Variants in CST2 observed in about 807,000 individuals in gnomAD.
CST2 encodes cystatin-SA.
CST2 carries 26 observed loss-of-function variants against 13.4 expected under a neutral mutation model. The observed-to-expected ratio is 1.95, with a 90% CI of 1.43 to 2.70. The LOEUF (loss-of-function observed/expected upper bound fraction) is 2.70, where lower values mean the gene tolerates loss of function less well. Among genes scored for constraint, CST2 ranks in the 30% most tolerant of loss-of-function variants. The pLI is 0.00. For missense variants in CST2, 243 were observed against 173.4 expected, an observed-to-expected ratio of 1.40 and a Z score of -2.25; for synonymous variants, 105 against 71.1, an observed-to-expected ratio of 1.48 and a Z score of -2.40.
Position 23,826,421 on chromosome 20 carries a change from G to A in CST2, c.228+12C>T, listed in dbSNP as rs368068289. 6.2e-7 allele frequency: 1 copy of A among 1,610,936 alleles called. No homozygotes were observed. Among genetic ancestry groups the A allele is most frequent in the Non-Finnish European group, 8.5e-7 (1 of 1,177,376 alleles). Reference sequence around the variant, plus strand: ...TGGGACTCAGGACCCCTCAGGTGGAGGCAGCACCCACCTGCTCCCTGGCTC... The same window carrying A: ...TGGGACTCAGGACCCCTCAGGTGGAAGCAGCACCCACCTGCTCCCTGGCTC... On this transcript the variant is annotated intron_variant, in intron 1 of 2. Coordinates refer to ENST00000304725, the MANE Select transcript of CST2 (RefSeq NM_001322.3).
At position 23,826,532 on chromosome 20, in the gene CST2, C is replaced by A. The variant is rs1485293449; in HGVS notation, c.129G>T (p.Arg43=). The part of the protein sequence containing the change: ...GIYDADLNDE[R]VQRALHFVIS... Reference sequence around the variant, plus strand: ...TGACAAAGTGAAGGGCACGCTGTACCCGCTCATCATTGAGGTCTGCATCAT... The same window carrying A: ...TGACAAAGTGAAGGGCACGCTGTACACGCTCATCATTGAGGTCTGCATCAT... Residue 43 remains arginine (R), a synonymous_variant, in exon 1 of 3, where the codon CGG becomes CGT. Coordinates refer to ENST00000304725, the MANE Select transcript of CST2 (RefSeq NM_001322.3). 1.2e-6 allele frequency: 2 copies of A among 1,614,016 alleles called. No homozygotes were observed. Among genetic ancestry groups the A allele is most frequent in the Admixed American group, 3.3e-5 (2 of 60,010 alleles).
rs1465113560 is a variant in CST2 at position 23,823,798 on chromosome 20, G to A, written c.*222C>T. ...ATGCTACTGTTTAATTGCAGGAGGT[G>A]GGGGTGTGTGTACCATGTACCAGGG... is the stretch of plus-strand genomic sequence containing the variant. On this transcript the variant is annotated 3_prime_UTR_variant, in exon 3 of 3. Transcript: ENST00000304725. The A allele has an allele frequency of 1.8e-6, 1 of 564,138 alleles. No individual in the cohort carries two copies. Among genetic ancestry groups the A allele is most frequent in the East Asian group, 2.9e-5 (1 of 34,916 alleles). 34.9% of individuals were successfully genotyped at this position (564,138 alleles called of 1,614,324 possible).
rs745685763 is a variant in CST2 at position 23,826,487 on chromosome 20, G to A, written c.174C>T (p.Ala58=). The change falls in exon 1 of 3, where the codon GCC becomes GCT. Residue 58 remains alanine (A), a synonymous_variant. Coordinates refer to ENST00000304725, the MANE Select transcript of CST2 (RefSeq NM_001322.3). ...GGCGTCTGTAGTACTCATCTTCAGT[G>A]GCCTTGTTATACTCGCTGATGACAA... ...LHFVISEYNK[A]TEDEYYRRLL... 1 of 1,614,168 alleles carries A rather than the reference G, an allele frequency of 6.2e-7. No homozygotes were observed. Among genetic ancestry groups the A allele is most frequent in the South Asian group, 1.1e-5 (1 of 91,080 alleles).
intron 2 of CST2, among the ~76,000 whole-genome samples, chr20:23,824,888 G>A (rs1436598850): frequency 1.3e-5 from 2 of 151,716 alleles, no homozygotes; most frequent in Admixed American, 1.3e-4. Flanking sequence ...ACACACATAG[G>A]CAACTACGTA....
rs142992719 is a variant in CST2, at chr20:23,824,080, G to T, written c.366C>A (p.Ile122=). Residue 122 remains isoleucine, a synonymous_variant, in exon 3 of 3, where the codon ATC becomes ATA. Coordinates refer to ENST00000304725, the MANE Select transcript of CST2 (RefSeq NM_001322.3). ...TTCTGTCCTCCCAGGGAACTTCGTA[G>T]ATCTGGAAAGAGCACAACTGTTTCT... is the stretch of plus-strand genomic sequence containing the variant. ...LQKKQLCSFQ[I]YEVPWEDRMS... is the part of the protein sequence containing the mutation. The T allele has an allele frequency of 3.1e-6, 5 of 1,614,082 alleles. No homozygotes were observed. The highest frequency in any genetic ancestry group is 4.2e-6 in the Non-Finnish European group (5 of 1,179,962).
At chr20:23,824,292 C>T (rs1258335464) in intron 2 of CST2, among the ~76,000 whole-genome samples, 189 bp from the exon 3 acceptor site, 1 of 152,132 alleles carries the variant, frequency 6.6e-6, no homozygotes, top group Non-Finnish European at 1.5e-5. Context: ...TCCCAAGGCT[C>T]CAAGTCACCA....
At chr20:23,826,410 C>T (rs376245791) in intron 1 of CST2, 23 bp downstream of exon 1, 13 of 1,606,052 alleles carry the variant, frequency 8.1e-6, no homozygotes, top group Non-Finnish European at 1.1e-5. Context: ...ACTCAGGACC[C>T]CTCAGGTGGA....
intron 1 of CST2, among the ~76,000 whole-genome samples, chr20:23,825,735 C>A (rs1261693064): frequency 1.3e-5 from 2 of 152,196 alleles, no homozygotes; most frequent in Non-Finnish European, 2.9e-5. Context: ...CCAGGGAGTG[C>A]ACCTCCCGTG....
chr20:23,824,568 C>A (rs149221259), intron 2 of CST2, among the ~76,000 whole-genome samples: 2 of 152,274 alleles, frequency 1.3e-5, no homozygotes, highest in South Asian at 4.1e-4. Context: ...GAGTGGAGAC[C>A]TCACAAGAAC....
rs144612164 is a variant in CST2, at chr20:23,826,414, A to G, written c.228+19T>C. 4.3e-6 allele frequency: 7 copies of G among 1,609,620 alleles called. No homozygotes were observed. The African/African-American group carries it at 9.4e-5, about 22-fold the overall frequency. ...ACAAGGCTGGGACTCAGGACCCCTC[A>G]GGTGGAGGCAGCACCCACCTGCTCC... On this transcript the variant is annotated intron_variant, in intron 1 of 2. Coordinates refer to ENST00000304725, the MANE Select transcript of CST2 (RefSeq NM_001322.3).
At position 23,825,323 on chromosome 20, in the gene CST2, T is replaced by C. The variant is rs1984799116; in HGVS notation, c.229A>G (p.Ile77Val). 4.3e-6 allele frequency: 7 copies of C among 1,614,130 alleles called. No individual in the cohort carries two copies. Among genetic ancestry groups the C allele is most frequent in the East Asian group, 2.2e-5 (1 of 44,878 alleles). The change falls in exon 2 of 3, where the codon ATC becomes GTC. Residue 77 changes from isoleucine (I) to valine (V), a missense_variant and splice_region_variant. Transcript: ENST00000304725. ...LLRVLRAREQ[I>V]VGGVNYFFDI... ...AAGAAGTAATTCACCCCGCCCACGA[T>C]CTACACACATGAGAAAACAGGATGC...
chr20:23,825,679 A>G (rs1984810727), intron 1 of CST2, among the ~76,000 whole-genome samples: 1 of 152,132 alleles, frequency 6.6e-6, no homozygotes, highest in Non-Finnish European at 1.5e-5. Context: ...ACTCCAAGTT[A>G]TTGTCATGCT....
chr20:23,824,337 C>T (rs1342269903), intron 2 of CST2, among the ~76,000 whole-genome samples: 1 of 152,106 alleles, frequency 6.6e-6, no homozygotes, highest in Non-Finnish European at 1.5e-5. Flanking sequence ...CCTGCAGTGT[C>T]CTGTCCCAGC....
chr20:23,824,545 G>C (rs1984765565), intron 2 of CST2, among the ~76,000 whole-genome samples: 1 of 152,170 alleles, frequency 6.6e-6, no homozygotes, highest in African/African-American at 2.4e-5. Flanking sequence ...CAAGGGGAGT[G>C]TGGCTCTCCC....
chr20:23,824,896 G>T (rs1359123175), intron 2 of CST2, among the ~76,000 whole-genome samples: 2 of 151,862 alleles, frequency 1.3e-5, no homozygotes, highest in South Asian at 2.1e-4. Context: ...AGGCAACTAC[G>T]TAAACTCACT....
chr20:23,826,060 C>A (rs765779259), intron 1 of CST2, among the ~76,000 whole-genome samples: 6 of 152,150 alleles, frequency 3.9e-5, no homozygotes, highest in Admixed American at 3.9e-4. Flanking sequence ...GGTGGTCAGC[C>A]GGCCTGAGGG....
rs150531257 is a variant in CST2, at chr20:23,826,494, T to A, written c.167A>T (p.Asn56Ile). Reference protein sequence around the residue: ...RALHFVISEYNKATEDEYYRR... With the variant: ...RALHFVISEYIKATEDEYYRR... ...GTAGTACTCATCTTCAGTGGCCTTG[T>A]TATACTCGCTGATGACAAAGTGAAG... is the stretch of plus-strand genomic sequence containing the variant. The change falls in exon 1 of 3, where the codon AAC becomes ATC. Residue 56 changes from asparagine to isoleucine, a missense_variant. Transcript: ENST00000304725. 2 of 1,614,176 alleles carry A rather than the reference T, an allele frequency of 1.2e-6. No individual in the cohort carries two copies. Among genetic ancestry groups the A allele is most frequent in the Admixed American group, 1.7e-5 (1 of 60,032 alleles).
intron 2 of CST2, among the ~76,000 whole-genome samples, chr20:23,824,767 A>G (rs1414125319): frequency 1.3e-5 from 2 of 152,092 alleles, no homozygotes; most frequent in African/African-American, 4.8e-5. Context: ...CTTCCTGTCC[A>G]ACAGGCAACA....
intron 1 of CST2, among the ~76,000 whole-genome samples, 188 bp downstream of exon 1, chr20:23,826,245 C>T (rs1488552027): frequency 6.6e-6 from 1 of 152,176 alleles, no homozygotes; most frequent in Admixed American, 6.5e-5. Flanking sequence ...CATCCAGAGT[C>T]AGCATAGTCT....
Sources: allele counts gnomAD v4.1 joint callset (sites outside exome capture counted in the v4.1 genomes callset), GRCh38; gene constraint gnomAD v4.1.1; transcripts MANE v1.5; gene names NCBI Gene and HGNC (gene_info 2026-07-23, HGNC 2026-07-21).